CEP85L: variants seen among roughly 807,000 people sequenced by gnomAD.
CEP85L encodes centrosomal protein of 85 kDa-like.
Under a neutral mutation model 100.3 loss-of-function variants are expected in CEP85L, and 60 were observed. That is an observed-to-expected ratio of 0.60 (90% CI 0.49 to 0.74). The LOEUF (loss-of-function observed/expected upper bound fraction) is 0.74, where lower values mean the gene tolerates loss of function less well. Among genes scored for constraint, CEP85L ranks in the 30% least tolerant of loss-of-function variants. The pLI, the probability that CEP85L is intolerant of heterozygous loss-of-function variation, is 0.00. For synonymous variants in CEP85L, 319 were observed against 322.7 expected, an observed-to-expected ratio of 0.99 and a Z score of 0.12; for missense variants, 973 against 936.2, an observed-to-expected ratio of 1.04 and a Z score of -0.51.
intron 2 of CEP85L, among the ~76,000 whole-genome samples, chr6:118,574,491 G>A (rs1490809983): frequency 2.6e-5 from 4 of 152,200 alleles, no homozygotes; most frequent in Non-Finnish European, 4.4e-5. Context: ...GTTCTTCTTT[G>A]TAGCACTGAG....
At chr6:118,522,032 G>C (rs1230069910) in intron 4 of CEP85L, among the ~76,000 whole-genome samples, 1 of 152,098 alleles carries the variant, frequency 6.6e-6, no homozygotes, top group Non-Finnish European at 1.5e-5. Context: ...GCAAATCCAT[G>C]TAAGTAAAAC....
chr6:118,473,375 C>T (rs764027998), intron 10 of CEP85L, among the ~76,000 whole-genome samples: 10 of 152,020 alleles, frequency 6.6e-5, no homozygotes, highest in Non-Finnish European at 1.5e-4. Context: ...GAGATTGTGT[C>T]CCAGAGATAT....
chr6:118,579,049 C>T lies in CEP85L; in HGVS notation c.233-12733G>A, dbSNP rs539855410. On this transcript the variant is annotated intron_variant, in intron 2 of 12. Coordinates refer to ENST00000368491, the MANE Select transcript of CEP85L (RefSeq NM_001042475.3). ...TAGCTGGGACTACAGGCATGTGCCACAACACCCAGCTAATATTTGTATTTA... is the reference window on the plus strand; with the variant it reads ...TAGCTGGGACTACAGGCATGTGCCATAACACCCAGCTAATATTTGTATTTA... 3.3e-5 allele frequency among the ~76,000 whole-genome samples: 5 copies of T among 152,232 alleles called. No individual in the cohort carries two copies. The South Asian group carries it at 1.0e-3, about 32-fold the overall frequency.
chr6:118,545,524 G>A (rs1054002473), intron 3 of CEP85L, among the ~76,000 whole-genome samples: 4 of 152,172 alleles, frequency 2.6e-5, no homozygotes, highest in African/African-American at 9.7e-5. Context: ...AGAGGGAGAG[G>A]TTGCAGTGAG....
rs114987908 is a variant in CEP85L at position 118,607,114 on chromosome 6, A to C, written c.232+25339T>G. Among the ~76,000 whole-genome samples, 564 of 152,086 alleles carry C rather than the reference A, an allele frequency of 3.7e-3. 3 individuals are homozygous for C. The highest frequency in any genetic ancestry group is 0.013 in the African/African-American group (538 of 41,488). ...GCCAGAGCAAAGTCCATGTGATAAA[A>C]ACAGAGACATTAGCCACTCTGCTTA... is the stretch of plus-strand genomic sequence containing the variant. On this transcript the variant is annotated intron_variant, in intron 2 of 12. Transcript: ENST00000368491.
chr6:118,539,583 T>C (rs1777790223), intron 3 of CEP85L, among the ~76,000 whole-genome samples: 1 of 152,204 alleles, frequency 6.6e-6, no homozygotes, highest in African/African-American at 2.4e-5. Flanking sequence ...GAAACTATTT[T>C]TTACTTTTTT....
chr6:118,497,444 C>T (rs1278787125), intron 5 of CEP85L, among the ~76,000 whole-genome samples: 1 of 152,038 alleles, frequency 6.6e-6, no homozygotes, highest in African/African-American at 2.4e-5. Context: ...CTCCGGGCTC[C>T]CACTGATTCT....
At chr6:118,579,202 C>T (rs1411392549) in intron 2 of CEP85L, among the ~76,000 whole-genome samples, 1 of 152,090 alleles carries the variant, frequency 6.6e-6, no homozygotes, top group Non-Finnish European at 1.5e-5. Flanking sequence ...GGCTGAAAAG[C>T]TGTTTTTAAA....
chr6:118,649,576 T>C (rs973239675), intron 1 of CEP85L, among the ~76,000 whole-genome samples: 2 of 152,204 alleles, frequency 1.3e-5, no homozygotes, highest in East Asian at 1.9e-4. Context: ...CAGATGGCTT[T>C]TGACATTTTC....
intron 3 of CEP85L, among the ~76,000 whole-genome samples, chr6:118,528,899 C>G (rs991378429): frequency 2.0e-5 from 3 of 152,132 alleles, no homozygotes; most frequent in African/African-American, 7.2e-5. Context: ...CTATAAACAA[C>G]TGATACACTA....
chr6:118,590,303 G>C (rs1007337416), intron 2 of CEP85L, among the ~76,000 whole-genome samples: 1 of 152,152 alleles, frequency 6.6e-6, no homozygotes, highest in African/African-American at 2.4e-5. Context: ...AGCAGCTCCA[G>C]AAACTTTATT....
intron 1 of CEP85L, among the ~76,000 whole-genome samples, chr6:118,639,190 C>T (rs190893449): frequency 1.3e-5 from 2 of 152,264 alleles, no homozygotes; most frequent in East Asian, 1.9e-4. Flanking sequence ...ATAAGTAGCA[C>T]GCGGTTCACA....
chr6:118,467,637 GA>G (rs1772629724), intron 12 of CEP85L, among the ~76,000 whole-genome samples: 1 of 152,132 alleles, frequency 6.6e-6, no homozygotes, highest in African/African-American at 2.4e-5. Flanking sequence ...CTCTATTACT[GA>G]AAAACTTAAC....
At chr6:118,671,116 C>T (rs767840611) in intron 1 of CEP85L, among the ~76,000 whole-genome samples, 1 of 152,100 alleles carries the variant, frequency 6.6e-6, no homozygotes, top group African/African-American at 2.4e-5. Context: ...ACTGGAGAAA[C>T]TATGTTATCG....
chr6:118,519,488 GTGAAA>G (rs1776509191), intron 4 of CEP85L, among the ~76,000 whole-genome samples: 1 of 73,892 alleles, frequency 1.4e-5, no homozygotes, highest in African/African-American at 5.3e-5. Context: ...GGGGGGGGTT[GTGAAA>G]CTCCGTGTGC....
At chr6:118,690,575 A>C (rs1431431873) in intron 1 of CEP85L, among the ~76,000 whole-genome samples, 1 of 152,266 alleles carries the variant, frequency 6.6e-6, no homozygotes, top group Non-Finnish European at 1.5e-5. Context: ...AACTTTGCTG[A>C]AACCATTAGG....
chr6:118,473,739 G>C (rs73766507), intron 10 of CEP85L, among the ~76,000 whole-genome samples: 4,114 of 152,130 alleles, frequency 0.027, 191 homozygotes, highest in African/African-American at 0.093. Flanking sequence ...GGTGGCAATG[G>C]AGGAGGCAAG....
At position 118,566,062 on chromosome 6, in the gene CEP85L, T is replaced by C. The variant is rs1779482969; in HGVS notation, c.487A>G (p.Thr163Ala). 3 of 1,613,816 alleles carry C rather than the reference T, an allele frequency of 1.9e-6. No individual in the cohort carries two copies. Among genetic ancestry groups the C allele is most frequent in the Admixed American group, 1.7e-5 (1 of 59,998 alleles). Residue 163 changes from threonine to alanine, a missense_variant, in exon 3 of 13, where the codon ACT (threonine) becomes GCT (alanine). Thr to Ala is a moderately conservative substitution (Grantham distance 58). Around this residue, in one of 3 missense-constraint regions of CEP85L, gnomAD observed 890 missense variants for 844.5 expected, o/e 1.05. Coordinates refer to ENST00000368491, the MANE Select transcript of CEP85L (RefSeq NM_001042475.3). ...CCCTGGCCACAGTTATCCGGGGCAG[T>C]GAGTTTGGATAAAGATGACCATTTC... is the stretch of plus-strand genomic sequence containing the variant. The part of the protein sequence containing the change: ...LRKWSSLSKL[T>A]APDNCGQGGT...
chr6:118,519,160 A>AG (rs1180012839), intron 4 of CEP85L, among the ~76,000 whole-genome samples: 1 of 151,986 alleles, frequency 6.6e-6, no homozygotes, highest in African/African-American at 2.4e-5. Flanking sequence ...TTAAGAAGTT[A>AG]GGGGGAAAAA....
Sources: gnomAD v4.1 joint callset for allele counts (sites outside exome capture counted in the v4.1 genomes callset) on GRCh38, gnomAD v4.1.1 for gene constraint, gnomAD v4.1.1 regional missense constraint, MANE v1.5 for transcripts, NCBI Gene and HGNC (gene_info 2026-07-23, HGNC 2026-07-21) for gene names.